Variants in PLCXD3 observed in about 807,000 individuals in gnomAD.
PLCXD3 encodes PI-PLC X domain-containing protein 3.
PLCXD3 carries 19 observed loss-of-function variants against 25.5 expected under a neutral mutation model. That is an observed-to-expected ratio of 0.75 (90% confidence interval 0.52 to 1.09). PLCXD3 has a LOEUF of 1.09. PLCXD3 is among the 50% of genes least tolerant of loss of function. The probability of loss-of-function intolerance (pLI) is 0.00; values close to 1 mark genes in which losing one functional copy is unlikely to be tolerated. For missense variants in PLCXD3, 411 were observed against 388.1 expected (o/e 1.06, Z -0.50); for synonymous variants, 174 against 137.6 (o/e 1.26, Z -1.85).
intron 1 of PLCXD3, among the ~76,000 whole-genome samples, chr5:41,412,387 C>G (rs748813115): frequency 6.6e-6 from 1 of 152,080 alleles, no homozygotes. Flanking sequence ...AAATGAAACT[C>G]TTCCTATATC....
At chr5:41,441,525 A>G (rs1033428603) in intron 1 of PLCXD3, among the ~76,000 whole-genome samples, 8 of 151,474 alleles carry the variant, frequency 5.3e-5, no homozygotes, top group African/African-American at 1.9e-4. Flanking sequence ...TCCTGAAGAA[A>G]CCTCCCTCCA....
chr5:41,492,879 C>A (rs909272245), intron 1 of PLCXD3, among the ~76,000 whole-genome samples: 9 of 152,224 alleles, frequency 5.9e-5, no homozygotes, highest in African/African-American at 1.9e-4. Flanking sequence ...GTTTGAATTT[C>A]CTCCTGTAGC....
chr5:41,499,207 T>TAGATAATAGAAA (rs1748901111), intron 1 of PLCXD3, among the ~76,000 whole-genome samples: 1 of 151,394 alleles, frequency 6.6e-6, no homozygotes, highest in Non-Finnish European at 1.5e-5. Context: ...GAAAAGGAAG[T>TAGATAATAGAAA]AGCAAAATTA....
intron 1 of PLCXD3, among the ~76,000 whole-genome samples, chr5:41,471,428 G>A (rs1331107687): frequency 2.0e-5 from 3 of 152,274 alleles, no homozygotes; most frequent in East Asian, 1.9e-4. Flanking sequence ...GCAAAACTCG[G>A]TTTCCCTCAG....
intron 1 of PLCXD3, among the ~76,000 whole-genome samples, chr5:41,502,218 A>C (rs976932148): frequency 1.3e-5 from 2 of 152,156 alleles, no homozygotes; most frequent in African/African-American, 4.8e-5. Flanking sequence ...TATTTAAAGG[A>C]AATCCAAAGT....
chr5:41,333,315 T>A (rs1421032216), intron 2 of PLCXD3, among the ~76,000 whole-genome samples: 1 of 152,148 alleles, frequency 6.6e-6, no homozygotes, highest in African/African-American at 2.4e-5. Context: ...TTCAAATGTG[T>A]TTTCTTGTCA....
At chr5:41,503,107 A>G (rs567834808) in intron 1 of PLCXD3, among the ~76,000 whole-genome samples, 22 of 152,274 alleles carry the variant, frequency 1.4e-4, no homozygotes, top group African/African-American at 3.9e-4. Context: ...GCATGGGTGT[A>G]TAGCCTGAGA....
intron 1 of PLCXD3, among the ~76,000 whole-genome samples, chr5:41,469,785 T>C (rs1415637364): frequency 6.6e-6 from 1 of 152,264 alleles, no homozygotes; most frequent in Non-Finnish European, 1.5e-5. Context: ...AGGCATTCTT[T>C]CTGTATTATA....
chr5:41,342,180 A>T (rs1744170835), intron 2 of PLCXD3, among the ~76,000 whole-genome samples: 1 of 152,204 alleles, frequency 6.6e-6, no homozygotes, highest in Non-Finnish European at 1.5e-5. Flanking sequence ...TCAAGATATT[A>T]TCAGCTCAGA....
chr5:41,332,721 T>C (rs997978711), intron 2 of PLCXD3, among the ~76,000 whole-genome samples: 4 of 152,064 alleles, frequency 2.6e-5, no homozygotes, highest in African/African-American at 9.7e-5. Context: ...TAGACTGGAT[T>C]AAGAAAATGT....
At chr5:41,490,113 A>G (rs1213992880) in intron 1 of PLCXD3, among the ~76,000 whole-genome samples, 1 of 152,174 alleles carries the variant, frequency 6.6e-6, no homozygotes, top group Non-Finnish European at 1.5e-5. Context: ...TGTCCCATCA[A>G]TACCTAATTT....
At chr5:41,492,975 A>G (rs1007624537) in intron 1 of PLCXD3, among the ~76,000 whole-genome samples, 4 of 152,242 alleles carry the variant, frequency 2.6e-5, no homozygotes, top group Non-Finnish European at 5.9e-5. Flanking sequence ...GCTGGTGAGG[A>G]ACTGCGTTCC....
chr5:41,345,544 T>C (rs1744273412), intron 2 of PLCXD3, among the ~76,000 whole-genome samples: 1 of 152,238 alleles, frequency 6.6e-6, no homozygotes, highest in African/African-American at 2.4e-5. Context: ...AACATTGTTT[T>C]CTGAACACAG....
At chr5:41,380,656 C>T (rs915956708) in intron 2 of PLCXD3, among the ~76,000 whole-genome samples, 2 of 152,114 alleles carry the variant, frequency 1.3e-5, no homozygotes, top group Non-Finnish European at 2.9e-5. Context: ...TTTTCACTGC[C>T]TAATCTTTTC....
chr5:41,312,400 TTCTACCAGCCTTCC>T lies in PLCXD3; in HGVS notation c.*1203_*1216del, dbSNP rs1360792452. On this transcript the variant is annotated 3_prime_UTR_variant, in exon 3 of 3. Transcript: ENST00000377801. ...ATTTCAAACACATTGCTCTAACTGC[TTCTACCAGCCTTCC>T]TCTTTCTTTCCTTCAAGTCAAAAAC... 4 of 152,262 alleles carry T rather than the reference TTCTACCAGCCTTCC, an allele frequency of 2.6e-5. No homozygotes were observed. Among genetic ancestry groups the T allele is most frequent in the Admixed American group, 2.6e-4 (4 of 15,272 alleles). The allele number at this position is 152,262 out of a possible 1,614,324, so 9.4% of individuals were successfully genotyped here. A position where few individuals can be genotyped will look rare whatever the true frequency, so the allele number is the denominator to read the frequency against.
intron 2 of PLCXD3, among the ~76,000 whole-genome samples, chr5:41,364,756 C>T (rs999432289): frequency 2.0e-5 from 3 of 152,200 alleles, no homozygotes; most frequent in South Asian, 2.1e-4. Context: ...GGTTGCTCCT[C>T]AGCTGTCTTT....
intron 2 of PLCXD3, among the ~76,000 whole-genome samples, chr5:41,369,780 AC>A (rs1285690058): frequency 2.6e-5 from 4 of 152,172 alleles, no homozygotes; most frequent in Non-Finnish European, 5.9e-5. Flanking sequence ...TGACCAGCCA[AC>A]TAATAGCTTT....
intron 2 of PLCXD3, among the ~76,000 whole-genome samples, chr5:41,359,077 A>G (rs976054964): frequency 1.3e-5 from 2 of 152,048 alleles, no homozygotes; most frequent in African/African-American, 4.8e-5. Context: ...CCACTTGATC[A>G]TGGTAGATTA....
chr5:41,368,341 G>A (rs1162337101), intron 2 of PLCXD3, among the ~76,000 whole-genome samples: 1 of 152,126 alleles, frequency 6.6e-6, no homozygotes, highest in East Asian at 1.9e-4. Flanking sequence ...CTACTTGCCT[G>A]TTGTTGGTTT....
Sources: allele counts gnomAD v4.1 joint callset (sites outside exome capture counted in the v4.1 genomes callset), GRCh38; gene constraint gnomAD v4.1.1; transcripts MANE v1.5; gene names NCBI Gene and HGNC (gene_info 2026-07-23, HGNC 2026-07-21).